The following ZNF646 variants were observed in gnomAD, a reference collection of about 807,000 sequenced individuals.
The protein encoded by ZNF646 is zinc finger protein 646.
ZNF646 carries 49 observed loss-of-function variants against 115.4 expected under a neutral mutation model. That is an observed-to-expected ratio of 0.42 (90% CI 0.34 to 0.54). The LOEUF (loss-of-function observed/expected upper bound fraction) is 0.54. ZNF646 is among the 20% of genes least tolerant of loss of function. ZNF646 has a pLI of 0.04. For missense variants in ZNF646, 2,269 were observed against 2,457.9 expected (o/e 0.92, Z 1.62); for synonymous variants, 933 against 939.0 (o/e 0.99, Z 0.12).
Position 31,082,967 on chromosome 16 carries a change from C to G in ZNF646, c.5378-4C>G, listed in dbSNP as rs759674730. On this transcript the variant is annotated splice_polypyrimidine_tract_variant and splice_region_variant and intron_variant, in intron 2 of 2. Transcript: ENST00000300850. ...TTGGTGACCTCCTCTCTCTCTCCCC[C>G]CAGGAGCCCCAGTGGCACCAGTGAC... is the stretch of plus-strand genomic sequence containing the variant. 1 of 1,582,100 alleles carries G rather than the reference C, an allele frequency of 6.3e-7. No individual in the cohort carries two copies. The highest frequency in any genetic ancestry group is 8.6e-7 in the Non-Finnish European group (1 of 1,163,272).
In ZNF646 at chr16:31,081,552, C is replaced by G; in HGVS notation, c.5228C>G (p.Thr1743Arg). Residue 1743 changes from threonine (T) to arginine (R), a missense_variant, in exon 2 of 3, where the codon ACA becomes AGA. Thr to Arg is a moderately conservative substitution (Grantham distance 71). Transcript: ENST00000300850. ...CCSICGKAFR[T>R]AARLEGHGRV... ...AGCATCTGTGGCAAGGCCTTTCGGA[C>G]AGCTGCCCGGCTGGAGGGCCACGGG... 1 of 1,613,888 alleles carries G rather than the reference C, an allele frequency of 6.2e-7. No homozygotes were observed. Among genetic ancestry groups the G allele is most frequent in the Non-Finnish European group, 8.5e-7 (1 of 1,180,012 alleles).
Position 31,079,684 on chromosome 16 carries a change from C to T in ZNF646, c.3360C>T (p.Ser1120=). 1 of 1,613,536 alleles carries T rather than the reference C, an allele frequency of 6.2e-7. No homozygotes were observed. The change falls in exon 2 of 3, where the codon AGC becomes AGT. Residue 1120 remains serine, a synonymous_variant. Transcript: ENST00000300850. This position sits in a 1 kb window ranked among gnomAD's most constrained non-coding sequence, Gnocchi z 5.5. ...QVGPIPEAAG[S]SELQVGPIPE... is the part of the protein sequence containing the mutation. ...GGCCCATCCCAGAGGCAGCAGGTAG[C>T]AGTGAGCTGCAGGTTGGGCCCATCC...
At chr16:31,073,996 A>C (rs1209385852), upstream of ZNF646, 1 of 152,202 alleles carries the variant, frequency 6.6e-6, no homozygotes, top group East Asian at 1.9e-4. Context: ...AGGTGGGAGG[A>C]CAAAAAGGCC....
chr16:31,078,222 T>C lies in ZNF646; in HGVS notation c.1898T>C (p.Ile633Thr). ...GKSYRHSGSL[I>T]NHRQTHQTGD... ...AGCTATCGCCACTCAGGCAGCCTTA[T>C]CAACCACAGGCAGACCCACCAGACA... is the stretch of plus-strand genomic sequence containing the variant. The change falls in exon 2 of 3, where the codon ATC (isoleucine) becomes ACC (threonine). Residue 633 changes from isoleucine to threonine, a missense_variant. Physicochemically the swap from Ile to Thr is moderately conservative, Grantham distance 89. Coordinates refer to ENST00000300850, the MANE Select transcript of ZNF646 (RefSeq NM_014699.4). 6.2e-7 allele frequency: 1 copy of C among 1,614,088 alleles called. No individual in the cohort carries two copies. The highest frequency in any genetic ancestry group is 8.5e-7 in the Non-Finnish European group (1 of 1,180,044).
Position 31,074,431 on chromosome 16 carries a change from AG to A in ZNF646, c.-278del, listed in dbSNP as rs1280753426. 6.6e-6 allele frequency: 1 copy of A among 152,298 alleles called. No individual in the cohort carries two copies. Among genetic ancestry groups the A allele is most frequent in the Non-Finnish European group, 1.5e-5 (1 of 68,062 alleles). 9.4% of individuals were successfully genotyped at this position (152,298 alleles called of 1,614,324 possible). On this transcript the variant is annotated 5_prime_UTR_variant, in exon 1 of 3. Transcript: ENST00000300850. ...ACACTTCCTGTTTCCTAGTAACAATAGGAAGTGTCCGTAGAGCTGGGAGTAG... is the reference window on the plus strand; with the variant it reads ...ACACTTCCTGTTTCCTAGTAACAATAGAAGTGTCCGTAGAGCTGGGAGTAG...
chr16:31,083,443 T>G lies in ZNF646; in HGVS notation c.*351T>G. ...TGTAACTTATTTTCTAAAGTCTATT[T>G]TGTAACAATTTATTTAAGTTTAAAA... On this transcript the variant is annotated 3_prime_UTR_variant, in exon 3 of 3. Transcript: ENST00000300850. 10 of 1,297,276 alleles carry G rather than the reference T, an allele frequency of 7.7e-6. No homozygotes were observed. Among genetic ancestry groups the G allele is most frequent in the Non-Finnish European group, 9.9e-6 (10 of 1,008,986 alleles). 80.4% of individuals were successfully genotyped at this position (1,297,276 alleles called of 1,614,324 possible).
Position 31,080,788 on chromosome 16 carries a change from G to A in ZNF646, c.4464G>A (p.Glu1488=), listed in dbSNP as rs772825674. The change falls in exon 2 of 3, where the codon GAG becomes GAA. Residue 1488 remains glutamate (E), a synonymous_variant. Transcript: ENST00000300850. ...CTCAGTTCCTAACTAGGTCAGAGGAGCCAGAGGACAGTGTCCACAGGAGTC... is the reference window on the plus strand; with the variant it reads ...CTCAGTTCCTAACTAGGTCAGAGGAACCAGAGGACAGTGTCCACAGGAGTC... The part of the protein sequence containing the change: ...WVPQFLTRSE[E]PEDSVHRSPC... 4.3e-6 allele frequency: 7 copies of A among 1,613,876 alleles called. No individual in the cohort carries two copies. Among genetic ancestry groups the A allele is most frequent in the Non-Finnish European group, 5.9e-6 (7 of 1,179,974 alleles).
At position 31,076,357 on chromosome 16, in the gene ZNF646, C is replaced by T. The variant is rs142532120; in HGVS notation, c.33C>T (p.Ser11=). Residue 11 remains serine, a synonymous_variant, in exon 2 of 3, where the codon TCC becomes TCT. Coordinates refer to ENST00000300850, the MANE Select transcript of ZNF646 (RefSeq NM_014699.4). ...ACACACCCCCCTCACTCAGCTGCTC[C>T]GACTGTCAGCGCCACTTTCCCAGCC... MEDTPPSLSC[S]DCQRHFPSLP... 150 of 1,613,140 alleles carry T rather than the reference C, an allele frequency of 9.3e-5. No homozygotes were observed. In the African/African-American group the frequency reaches 1.8e-3, roughly 19 times the overall value.
rs368032326 is a variant in ZNF646, at chr16:31,077,562, C to T, written c.1238C>T (p.Ala413Val). The change falls in exon 2 of 3, where the codon GCG becomes GTG. Residue 413 changes from alanine (A) to valine (V), a missense_variant. Coordinates refer to ENST00000300850, the MANE Select transcript of ZNF646 (RefSeq NM_014699.4). Reference sequence around the variant, plus strand: ...CTCTGTTCTAAGCAGCTGTTCAATGCGGCTGCCCTCAAAAACCATGTGCGG... The same window carrying T: ...CTCTGTTCTAAGCAGCTGTTCAATGTGGCTGCCCTCAAAAACCATGTGCGG... ...CSLCSKQLFN[A>V]AALKNHVRAH... 87 of 1,612,782 alleles carry T rather than the reference C, an allele frequency of 5.4e-5. No homozygotes were observed. Among genetic ancestry groups the T allele is most frequent in the Middle Eastern group, 3.3e-4 (2 of 6,082 alleles).
rs1428846422 is a variant in ZNF646, at chr16:31,080,684, C to G, written c.4360C>G (p.Pro1454Ala). The G allele has an allele frequency of 6.2e-7, 1 of 1,613,978 alleles. No individual in the cohort carries two copies. Among genetic ancestry groups the G allele is most frequent in the South Asian group, 1.1e-5 (1 of 91,084 alleles). The change falls in exon 2 of 3, where the codon CCA (proline) becomes GCA (alanine). Residue 1454 changes from proline to alanine, a missense_variant. Physicochemically the swap from Pro to Ala is conservative, Grantham distance 27. Transcript: ENST00000300850. ...IRAASSEAPEPLSWGAGKAGG... is the reference protein window; with the variant it reads ...IRAASSEAPEALSWGAGKAGG... ...GGCAGCAAGCTCAGAAGCCCCAGAG[C>G]CACTGTCCTGGGGTGCAGGGAAGGC... is the stretch of plus-strand genomic sequence containing the variant.
Position 31,081,057 on chromosome 16 carries a change from A to G in ZNF646, c.4733A>G (p.Asn1578Ser). The change falls in exon 2 of 3, where the codon AAC becomes AGC. Residue 1578 changes from asparagine to serine, a missense_variant. Physicochemically the swap from Asn to Ser is conservative, Grantham distance 46 (BLOSUM62 1). This residue lies in a region of ZNF646 where 1,062 missense variants were observed against 1,172.8 expected (regional missense o/e 0.91). Transcript: ENST00000300850. ...NPVATKSHSH[N>S]HIDAQTFACP... ...GTGGCCACAAAGAGCCACAGCCACA[A>G]CCACATAGACGCCCAGACCTTTGCC... The G allele has an allele frequency of 1.2e-6, 2 of 1,613,964 alleles. No homozygotes were observed. Among genetic ancestry groups the G allele is most frequent in the East Asian group, 2.2e-5 (1 of 44,882 alleles).
rs772821723 is a variant in ZNF646 at position 31,079,943 on chromosome 16, G to A, written c.3619G>A (p.Val1207Met). The change falls in exon 2 of 3, where the codon GTG becomes ATG. Residue 1207 changes from valine (V) to methionine (M), a missense_variant. Val to Met is a conservative substitution (Grantham distance 21). This residue lies in a region of ZNF646 where 1,062 missense variants were observed against 1,172.8 expected (regional missense o/e 0.91). Transcript: ENST00000300850. This position sits in a 1 kb window ranked among gnomAD's most constrained non-coding sequence, Gnocchi z 5.5. Reference protein sequence around the residue: ...ASSERPFSCEVCGRSYKHAGS... With the variant: ...ASSERPFSCEMCGRSYKHAGS... Reference sequence around the variant, plus strand: ...CTCTGAGCGGCCCTTCAGCTGCGAGGTGTGTGGCCGATCCTACAAGCACGC... The same window carrying A: ...CTCTGAGCGGCCCTTCAGCTGCGAGATGTGTGGCCGATCCTACAAGCACGC... 1 of 1,611,738 alleles carries A rather than the reference G, an allele frequency of 6.2e-7. No individual in the cohort carries two copies. Among genetic ancestry groups the A allele is most frequent in the Admixed American group, 1.7e-5 (1 of 59,950 alleles).
Position 31,083,501 on chromosome 16 carries a change from T to A in ZNF646, c.*409T>A. 7.5e-7 allele frequency: 1 copy of A among 1,331,740 alleles called. No individual in the cohort carries two copies. Among genetic ancestry groups the A allele is most frequent in the Non-Finnish European group, 9.6e-7 (1 of 1,037,188 alleles). 82.5% of individuals were successfully genotyped at this position (1,331,740 alleles called of 1,614,324 possible). On this transcript the variant is annotated 3_prime_UTR_variant, in exon 3 of 3. Transcript: ENST00000300850. ...AACTGCTGCCCCCCAAAAAAAGAAA[T>A]TTTCAAAACAACGTGGCTGGCGTGA...
At position 31,083,958 on chromosome 16, in the gene ZNF646, A is replaced by C; in HGVS notation, c.*866A>C. ...TCAAAGCGGTTGAGCAGCCTGCTCCAAGTCACACGATGACAAAGAACCAGA... is the reference window on the plus strand; with the variant it reads ...TCAAAGCGGTTGAGCAGCCTGCTCCCAGTCACACGATGACAAAGAACCAGA... On this transcript the variant is annotated 3_prime_UTR_variant, in exon 3 of 3. Coordinates refer to ENST00000300850, the MANE Select transcript of ZNF646 (RefSeq NM_014699.4). 3 of 1,508,672 alleles carry C rather than the reference A, an allele frequency of 2.0e-6. No homozygotes were observed. The South Asian group carries it at 3.9e-5, about 20-fold the overall frequency. The allele number at this position is 1,508,672 out of a possible 1,614,324, so 93.5% of individuals were successfully genotyped here.
In ZNF646 at chr16:31,081,286, G is replaced by C; in HGVS notation, c.4962G>C (p.Glu1654Asp). 1.2e-6 allele frequency: 2 copies of C among 1,613,258 alleles called. No homozygotes were observed. Among genetic ancestry groups the C allele is most frequent in the East Asian group, 2.2e-5 (1 of 44,842 alleles). ...APSETPRGPG[E>D]SVERARGGQA... Reference sequence around the variant, plus strand: ...CAGAAACCCCCAGAGGCCCAGGAGAGAGTGTGGAGAGAGCCAGGGGAGGAC... The same window carrying C: ...CAGAAACCCCCAGAGGCCCAGGAGACAGTGTGGAGAGAGCCAGGGGAGGAC... The change falls in exon 2 of 3, where the codon GAG (glutamate) becomes GAC (aspartate). Residue 1654 changes from glutamate to aspartate, a missense_variant. Physicochemically the swap from Glu to Asp is conservative, Grantham distance 45 (BLOSUM62 2). Coordinates refer to ENST00000300850, the MANE Select transcript of ZNF646 (RefSeq NM_014699.4).
chr16:31,083,030 CCCA>C lies in ZNF646; in HGVS notation c.5439_5441del (p.Thr1815del), dbSNP rs1225869747. ...CTTGCCATTGCCCCCTCCACCCACC[CCCA>C]CGACCCCACTCCTGGATCCTTCACC... On this transcript the variant is annotated inframe_deletion, in exon 3 of 3. Coordinates refer to ENST00000300850, the MANE Select transcript of ZNF646 (RefSeq NM_014699.4). 6.3e-7 allele frequency: 1 copy of C among 1,599,740 alleles called. No individual in the cohort carries two copies. The highest frequency in any genetic ancestry group is 8.5e-7 in the Non-Finnish European group (1 of 1,175,344).
rs764873097 is a variant in ZNF646, at chr16:31,080,626, A to T, written c.4302A>T (p.Pro1434=). ...TACCCCACTTGGAGGATGGAGTCCC[A>T]AGGCCAGGGGAGCGCAGTCAGAGCC... is the stretch of plus-strand genomic sequence containing the variant. ...EPVPHLEDGV[P]RPGERSQSPI... The change falls in exon 2 of 3, where the codon CCA becomes CCT. Residue 1434 remains proline (P), a synonymous_variant. Coordinates refer to ENST00000300850, the MANE Select transcript of ZNF646 (RefSeq NM_014699.4). 6.2e-7 allele frequency: 1 copy of T among 1,614,196 alleles called. No individual in the cohort carries two copies. Among genetic ancestry groups the T allele is most frequent in the East Asian group, 2.2e-5 (1 of 44,888 alleles).
chr16:31,082,650 C>T lies in ZNF646; in HGVS notation c.5378-321C>T. 3 of 371,380 alleles carry T rather than the reference C, an allele frequency of 8.1e-6. No homozygotes were observed. The South Asian group carries it at 9.2e-5, about 11-fold the overall frequency. The allele number at this position is 371,380 out of a possible 1,614,324, so 23.0% of individuals were successfully genotyped here. A position where few individuals can be genotyped will look rare whatever the true frequency, so the allele number is the denominator to read the frequency against. ...CCACCTCCCCTAGTAGAGGCGGACC[C>T]ATTCCATCTAGTGGCCACCGAGGGT... On this transcript the variant is annotated intron_variant, in intron 2 of 2. Transcript: ENST00000300850.
In ZNF646 at chr16:31,080,256, C is replaced by T. The variant is rs1460992464; in HGVS notation, c.3932C>T (p.Ala1311Val). 2 of 1,612,350 alleles carry T rather than the reference C, an allele frequency of 1.2e-6. No homozygotes were observed. The highest frequency in any genetic ancestry group is 1.7e-6 in the Non-Finnish European group (2 of 1,179,646). The change falls in exon 2 of 3, where the codon GCC becomes GTC. Residue 1311 changes from alanine to valine, a missense_variant. Physicochemically the swap from Ala to Val is moderately conservative, Grantham distance 64. This residue lies in a region of ZNF646 where 1,062 missense variants were observed against 1,172.8 expected (regional missense o/e 0.91). Transcript: ENST00000300850. Reference sequence around the variant, plus strand: ...CAGTGCGGGCGGACCTATCGCCACGCCGGCAGCCTCCTGAACCACCGGCGC... The same window carrying T: ...CAGTGCGGGCGGACCTATCGCCACGTCGGCAGCCTCCTGAACCACCGGCGC... ...CGQCGRTYRH[A>V]GSLLNHRRSH... is the part of the protein sequence containing the mutation.
Sources: allele counts gnomAD v4.1 joint callset, GRCh38; gene constraint gnomAD v4.1.1; regional missense constraint gnomAD v4.1.1; non-coding constraint Gnocchi (gnomAD v3.1); transcripts MANE v1.5; gene names NCBI Gene and HGNC (gene_info 2026-07-23, HGNC 2026-07-21).